The following ARMCX4 variants were observed in gnomAD, a reference collection of about 807,000 sequenced individuals.
ARMCX4 encodes the protein armadillo repeat-containing X-linked protein 4.
A neutral mutation model predicts 34.7 loss-of-function variants in ARMCX4; 3 were observed. The observed-to-expected ratio is 0.09, with a 90% CI of 0.04 to 0.22. ARMCX4 has a LOEUF of 0.22. Among genes scored for constraint, ARMCX4 ranks in the 10% least tolerant of loss-of-function variants. The pLI is 1.00. For missense variants in ARMCX4, 1,448 were observed against 1,720.8 expected, an observed-to-expected ratio of 0.84 and a Z score of 2.81; for synonymous variants, 513 against 632.8, an observed-to-expected ratio of 0.81 and a Z score of 2.84.
chrX:101,439,426 G>T (rs1208661331), intron 2 of ARMCX4, among the ~76,000 whole-genome samples: 1 of 111,127 alleles, frequency 9.0e-6, no homozygotes, highest in Admixed American at 9.7e-5. Flanking sequence ...TTTCAACTTT[G>T]GTGAATCTGA....
chrX:101,510,596 T>A (rs1282747179), intron 10 of ARMCX4, among the ~76,000 whole-genome samples: 4 of 111,892 alleles, frequency 3.6e-5, no homozygotes, highest in African/African-American at 1.3e-4. Context: ...GGTTATGTGA[T>A]GTAAGTTATA....
chrX:101,442,751 A>G (rs781970708), intron 2 of ARMCX4, among the ~76,000 whole-genome samples: 333 of 110,909 alleles, frequency 3.0e-3, no homozygotes, highest in African/African-American at 9.3e-3. Context: ...CTCTACCTCT[A>G]TCATCCTGTC....
intron 4 of ARMCX4, among the ~76,000 whole-genome samples, chrX:101,467,290 C>T (rs1033953114): frequency 9.0e-6 from 1 of 111,378 alleles, no homozygotes; most frequent in Non-Finnish European, 1.9e-5. Context: ...GCTGGGATTA[C>T]AGGCATGCGC....
At chrX:101,529,447 C>T (rs1401973062) in intron 11 of ARMCX4, among the ~76,000 whole-genome samples, 4 of 111,673 alleles carry the variant, frequency 3.6e-5, no homozygotes, top group Non-Finnish European at 7.5e-5. Context: ...TCTAAAACAC[C>T]AAAAGCAATG....
chrX:101,470,028 G>A (rs1418932784), intron 4 of ARMCX4, among the ~76,000 whole-genome samples: 2 of 112,161 alleles, frequency 1.8e-5, no homozygotes, highest in African/African-American at 6.5e-5. Flanking sequence ...TGTTCCGCAA[G>A]TGTTCTGCTG....
rs184970841 is a variant in ARMCX4 at position 101,434,350 on chromosome X, C to T, written n.165-9702C>T. Among the ~76,000 whole-genome samples the T allele has an allele frequency of 9.2e-5, 10 of 108,548 alleles. No homozygotes were observed. The East Asian group carries it at 1.2e-3, about 13-fold the overall frequency. 94.3% of individuals were successfully genotyped at this position (108,548 alleles called of 115,157 possible). On this transcript the variant is annotated intron_variant and non_coding_transcript_variant, in intron 2 of 3. Coordinates refer to the ARMCX4 transcript ENST00000430461. ...CTCATTGCAACCTCCGCCGCCCAAG[C>T]GATTCTCCTGCCTCAGCCTCCCGAG...
chrX:101,438,562 T>C (rs1356501497), intron 2 of ARMCX4, among the ~76,000 whole-genome samples: 7 of 108,564 alleles, frequency 6.4e-5, no homozygotes, highest in Non-Finnish European at 5.7e-5. Flanking sequence ...GAGATTCTGT[T>C]CCCCCCCCAA....
chrX:101,431,574 C>T (rs911594942), intron 2 of ARMCX4, among the ~76,000 whole-genome samples: 10 of 111,219 alleles, frequency 9.0e-5, no homozygotes, highest in Non-Finnish European at 1.5e-4. Context: ...GACAGAGTCT[C>T]GCTCTGTTGC....
chrX:101,461,884 GA>G (rs1932627490), intron 4 of ARMCX4, among the ~76,000 whole-genome samples: 1 of 111,636 alleles, frequency 9.0e-6, no homozygotes, highest in South Asian at 3.7e-4. Context: ...GTGTATTGCA[GA>G]AAAAAAGGTA....
At chrX:101,418,316 G>A (rs1372801278) in exon 1 of ARMCX4, 1 of 112,408 alleles carries the variant, frequency 8.9e-6, no homozygotes, top group Admixed American at 9.4e-5. Context: ...GGCCGGGCTG[G>A]GGCTTCAGCG....
chrX:101,521,489 A>G (rs1298630479), intron 11 of ARMCX4, among the ~76,000 whole-genome samples: 1 of 110,313 alleles, frequency 9.1e-6, no homozygotes, highest in Admixed American at 9.7e-5. Flanking sequence ...AATTTTGTTG[A>G]TCTTTTTAAA....
chrX:101,432,453 G>A (rs1337293906), intron 2 of ARMCX4, among the ~76,000 whole-genome samples: 1 of 110,872 alleles, frequency 9.0e-6, no homozygotes, highest in Non-Finnish European at 1.9e-5. Flanking sequence ...ACGAAGTCAG[G>A]AGTTCAAGTC....
chrX:101,524,897 C>G (rs1376819791), intron 11 of ARMCX4, among the ~76,000 whole-genome samples: 1 of 112,064 alleles, frequency 8.9e-6, no homozygotes, highest in Middle Eastern at 4.2e-3. Flanking sequence ...GCAGCAGAAA[C>G]TTCTGCAGAC....
At position 101,488,033 on chromosome X, in the gene ARMCX4, A is replaced by G; in HGVS notation, c.-202-11A>G. ...GTCCAGAGATCTCATGAATTTATGT[A>G]TCTACTTTAGGGTGTACTGCCAAGA... On this transcript the variant is annotated splice_polypyrimidine_tract_variant and intron_variant, in intron 4 of 5. Transcript: ENST00000423738. 4.3e-6 allele frequency: 4 copies of G among 920,729 alleles called. No homozygotes were observed. Among genetic ancestry groups the G allele is most frequent in the Non-Finnish European group, 5.6e-6 (4 of 709,725 alleles). 75.9% of individuals were successfully genotyped at this position (920,729 alleles called of 1,213,427 possible).
intron 11 of ARMCX4, among the ~76,000 whole-genome samples, chrX:101,526,977 C>A (rs1433605901): frequency 9.0e-6 from 1 of 111,541 alleles, no homozygotes; most frequent in Non-Finnish European, 1.9e-5. Context: ...CTGCACCAAG[C>A]GGACCTAATA....
chrX:101,442,304 T>C (rs1931350709), intron 2 of ARMCX4, among the ~76,000 whole-genome samples: 1 of 111,752 alleles, frequency 8.9e-6, no homozygotes, highest in South Asian at 3.8e-4. Context: ...GATACCAGGC[T>C]GGGAGTGTCA....
At chrX:101,530,086 A>G (rs12833777) in intron 11 of ARMCX4, among the ~76,000 whole-genome samples, 1 of 111,185 alleles carries the variant, frequency 9.0e-6, no homozygotes, top group Admixed American at 9.6e-5. Context: ...AACCAACACA[A>G]GTGTCCATCA....
intron 2 of ARMCX4, among the ~76,000 whole-genome samples, chrX:101,486,638 A>G (rs1165976625): frequency 9.0e-6 from 1 of 111,258 alleles, no homozygotes; most frequent in Non-Finnish European, 1.9e-5. Flanking sequence ...TTTTAAAATA[A>G]TTTGCCTTGT....
At chrX:101,515,414 TCTTCCTTCCTTC>T (rs1159233873) in intron 11 of ARMCX4, among the ~76,000 whole-genome samples, 171 of 12,281 alleles carry the variant, frequency 0.014, 3 homozygotes, top group East Asian at 0.035. Context: ...TCCCTCCCTC[TCTTCCTTCCTTC>T]CTTCCTTCCT....
Sources: allele counts gnomAD v4.1 joint callset (sites outside exome capture counted in the v4.1 genomes callset), GRCh38; gene constraint gnomAD v4.1.1; transcripts MANE v1.5; gene names NCBI Gene and HGNC (gene_info 2026-07-23, HGNC 2026-07-21).